Variants in DMXL1 observed in about 807,000 individuals in gnomAD.
DMXL1 encodes Dmx like 1, also known as dmX-like protein 1.
Under a neutral mutation model 319.2 loss-of-function variants are expected in DMXL1, and 99 were observed. The ratio of observed to expected loss-of-function variants is 0.31; its 90% CI spans 0.26 to 0.37. The LOEUF is 0.37. Among genes scored for constraint, DMXL1 ranks in the 10% least tolerant of loss-of-function variants. The pLI is 1.00. For missense variants in DMXL1, 3,745 were observed against 3,595.6 expected (o/e 1.04, Z -1.06); for synonymous variants, 1,385 against 1,235.2 (o/e 1.12, Z -2.54).
In DMXL1 at chr5:119,129,374, T is replaced by C. The variant is rs749480058; in HGVS notation, c.1266T>C (p.Ser422=). 23 of 1,613,692 alleles carry C rather than the reference T, an allele frequency of 1.4e-5. No homozygotes were observed. The highest frequency in any genetic ancestry group is 1.8e-5 in the Non-Finnish European group (21 of 1,179,872). ...QLRKSFEQPS[S]EASVEDSNQA... ...GAAAAAGTTTTGAACAACCATCTTC[T>C]GAGGCCAGTGTAGAAGATTCTAATC... Residue 422 remains serine (S), a synonymous_variant, in exon 10 of 44, where the codon TCT becomes TCC. Coordinates refer to ENST00000539542, the MANE Select transcript of DMXL1 (RefSeq NM_001290321.3).
intron 34 of DMXL1, 116 bp downstream of exon 34, chr5:119,207,012 C>G: frequency 1.7e-6 from 1 of 575,584 alleles, no homozygotes; most frequent in Non-Finnish European, 2.9e-6. Flanking sequence ...GTATTGTTCC[C>G]TCAAATTATT....
intron 38 of DMXL1, among the ~76,000 whole-genome samples, chr5:119,227,236 G>A (rs1336953999): frequency 6.7e-6 from 1 of 149,976 alleles, no homozygotes; most frequent in Non-Finnish European, 1.5e-5. Flanking sequence ...AATGTTTAAT[G>A]TGTTTTCCCT....
intron 29 of DMXL1, among the ~76,000 whole-genome samples, chr5:119,190,119 C>G (rs1017816257): frequency 3.3e-5 from 5 of 152,080 alleles, no homozygotes; most frequent in African/African-American, 1.2e-4. Context: ...TAAACAATAG[C>G]TTTTGCATTT....
intron 28 of DMXL1, chr5:119,178,649 C>G: frequency 1.0e-6 from 1 of 985,370 alleles, no homozygotes; most frequent in Non-Finnish European, 1.2e-6. Flanking sequence ...TTCCAAAGCT[C>G]TTTCAGCCAT....
intron 38 of DMXL1, among the ~76,000 whole-genome samples, chr5:119,226,189 T>A (rs1785519919): frequency 2.6e-5 from 4 of 152,156 alleles, no homozygotes; most frequent in Non-Finnish European, 1.5e-5. Flanking sequence ...AAATCCTTTC[T>A]CTGTTTAGAG....
At chr5:119,164,068 A>C (rs910188463) in intron 19 of DMXL1, among the ~76,000 whole-genome samples, 14 of 151,466 alleles carry the variant, frequency 9.2e-5, no homozygotes, top group African/African-American at 3.4e-4. Flanking sequence ...GCTATTCCTA[A>C]TTCATCAACC....
intron 34 of DMXL1, 149 bp from the exon 35 acceptor site, chr5:119,216,752 G>T: frequency 1.9e-6 from 1 of 523,034 alleles, no homozygotes. Flanking sequence ...TTGTTTTAGG[G>T]ATAATTAGCA....
At chr5:119,173,622 G>C (rs193253242) in intron 25 of DMXL1, among the ~76,000 whole-genome samples, 1 of 150,120 alleles carries the variant, frequency 6.7e-6, no homozygotes, top group African/African-American at 2.5e-5. Context: ...CAGCAGGCAA[G>C]CCTAATATAT....
At chr5:119,172,783 G>C (rs1054162030) in intron 25 of DMXL1, among the ~76,000 whole-genome samples, 1 of 151,758 alleles carries the variant, frequency 6.6e-6, no homozygotes. Context: ...CACCTCACAG[G>C]TTGTATCACA....
At chr5:119,164,345 A>T (rs1464184372) in intron 19 of DMXL1, among the ~76,000 whole-genome samples, 162 bp from the exon 20 acceptor site, 2 of 152,186 alleles carry the variant, frequency 1.3e-5, no homozygotes, top group African/African-American at 2.4e-5. Flanking sequence ...TGATACAGTT[A>T]TTTGAAGAAG....
In DMXL1 at chr5:119,170,972, C is replaced by G. The variant is rs1407700183; in HGVS notation, c.6181C>G (p.His2061Asp). The G allele has an allele frequency of 6.2e-7, 1 of 1,613,694 alleles. No individual in the cohort carries two copies. The highest frequency in any genetic ancestry group is 8.5e-7 in the Non-Finnish European group (1 of 1,179,892). ...DGGKLRYQLY[H>D]WLEKEVIALQ... ...TGGAAAATTGCGTTACCAACTATACCACTGGCTTGAAAAAGAGGTGATAGC... is the reference window on the plus strand; with the variant it reads ...TGGAAAATTGCGTTACCAACTATACGACTGGCTTGAAAAAGAGGTGATAGC... Residue 2061 changes from histidine (H) to aspartate (D), a missense_variant, in exon 24 of 44, where the codon CAC becomes GAC. Around this residue, in one of 4 missense-constraint regions of DMXL1, gnomAD observed 1,382 missense variants for 1,269.5 expected, o/e 1.09. Transcript: ENST00000539542.
At chr5:119,163,100 G>T (rs1004546344) in intron 19 of DMXL1, among the ~76,000 whole-genome samples, 17 of 152,104 alleles carry the variant, frequency 1.1e-4, no homozygotes, top group Non-Finnish European at 1.9e-4. Flanking sequence ...AAATGATGTT[G>T]TATAAATATA....
In DMXL1 at chr5:119,158,364, A is replaced by T. The variant is rs150953938; in HGVS notation, c.4703-6143A>T. On this transcript the variant is annotated intron_variant, in intron 19 of 43. Coordinates refer to ENST00000539542, the MANE Select transcript of DMXL1 (RefSeq NM_001290321.3). ...TTTAATGTAGTTGTTTATTAGTTCT[A>T]ACTGTTTCTTTGGTGGAGTCTTATG... Among the ~76,000 whole-genome samples the T allele has an allele frequency of 2.1e-3, 313 of 152,192 alleles. 1 individual carries two copies. The highest frequency in any genetic ancestry group is 6.9e-3 in the African/African-American group (287 of 41,526).
At chr5:119,166,957 G>A (rs1304856475) in intron 22 of DMXL1, among the ~76,000 whole-genome samples, 176 bp downstream of exon 22, 1 of 152,018 alleles carries the variant, frequency 6.6e-6, no homozygotes, top group East Asian at 1.9e-4. Context: ...TAACTTGAAC[G>A]GTATTTATAC....
rs1479200337 is a variant in DMXL1 at position 119,164,474 on chromosome 5, T to A, written c.4703-33T>A. The A allele has an allele frequency of 3.2e-6, 5 of 1,572,310 alleles. No homozygotes were observed. In the South Asian group the frequency reaches 4.5e-5, roughly 14 times the overall value. The stretch of plus-strand genomic sequence containing the variant: ...GATAATCATATAAGCATATTTATAA[T>A]TCTTATAAACATCATTTTTTACATT... On this transcript the variant is annotated intron_variant, in intron 19 of 43. Transcript: ENST00000539542.
chr5:119,157,211 T>C (rs1350668516), intron 19 of DMXL1, among the ~76,000 whole-genome samples: 1 of 152,212 alleles, frequency 6.6e-6, no homozygotes, highest in East Asian at 1.9e-4. Flanking sequence ...TCTTGATATA[T>C]TTTGGATATT....
At chr5:119,163,392 A>G (rs901611443) in intron 19 of DMXL1, among the ~76,000 whole-genome samples, 1 of 152,214 alleles carries the variant, frequency 6.6e-6, no homozygotes, top group African/African-American at 2.4e-5. Flanking sequence ...TTAATAGTCA[A>G]CAATAGAGCT....
At chr5:119,174,680 T>G (rs1466502194) in intron 25 of DMXL1, among the ~76,000 whole-genome samples, 1 of 152,278 alleles carries the variant, frequency 6.6e-6, no homozygotes, top group Non-Finnish European at 1.5e-5. Flanking sequence ...CAGTTCTGCC[T>G]AATGTTATGG....
intron 2 of DMXL1, among the ~76,000 whole-genome samples, chr5:119,098,660 A>C (rs909804598): frequency 2.7e-4 from 41 of 152,340 alleles, no homozygotes; most frequent in Middle Eastern, 6.8e-3. Context: ...ACATAAACAA[A>C]AGTAACAAAG....
Sources: gnomAD v4.1 joint callset for allele counts (sites outside exome capture counted in the v4.1 genomes callset) on GRCh38, gnomAD v4.1.1 for gene constraint, gnomAD v4.1.1 regional missense constraint, MANE v1.5 for transcripts, NCBI Gene and HGNC (gene_info 2026-07-23, HGNC 2026-07-21) for gene names.